The following DIP2C variants were observed in gnomAD, a reference collection of about 807,000 sequenced individuals.
DIP2C encodes the protein DIP2 acetate--CoA ligase C (putative), also known as disco-interacting protein 2 homolog C.
DIP2C carries 33 observed loss-of-function variants against 192.4 expected under a neutral mutation model. The observed-to-expected ratio is 0.17, with a 90% confidence interval of 0.13 to 0.23. DIP2C has a LOEUF of 0.23. Among genes scored for constraint, DIP2C ranks in the 10% least tolerant of loss-of-function variants. The probability of loss-of-function intolerance (pLI) is 1.00; values close to 1 mark genes in which losing one functional copy is unlikely to be tolerated. For synonymous variants in DIP2C, 979 were observed against 864.1 expected (o/e 1.13, Z -2.33); for missense variants, 1,537 against 2,110.1 (o/e 0.73, Z 5.32).
chr10:500,817 G>A (rs1467197937), intron 1 of DIP2C, among the ~76,000 whole-genome samples: 3 of 152,206 alleles, frequency 2.0e-5, no homozygotes, highest in African/African-American at 7.2e-5. Flanking sequence ...GGACAGGAAT[G>A]ACTGCGATGT....
intron 36 of DIP2C, among the ~76,000 whole-genome samples, chr10:279,149 T>A (rs1052411263): frequency 6.6e-6 from 1 of 152,218 alleles, no homozygotes; most frequent in Non-Finnish European, 1.5e-5. Context: ...GACTGCCGCA[T>A]GCCTATGGAG....
intron 1 of DIP2C, chr10:650,137 C>A (rs865946242): frequency 5.6e-6 from 4 of 717,168 alleles, no homozygotes; most frequent in Non-Finnish European, 1.0e-5. Flanking sequence ...GGGACAAGGA[C>A]CCCCCAGGAG....
rs374946558 is a variant in DIP2C, at chr10:627,453, CG to C, written c.85+62040del. Among the ~76,000 whole-genome samples the C allele has an allele frequency of 4.2e-3, 639 of 152,320 alleles. 5 individuals are homozygous for C. The highest frequency in any genetic ancestry group is 0.014 in the African/African-American group (587 of 41,558). On this transcript the variant is annotated intron_variant, in intron 1 of 36. Coordinates refer to ENST00000280886, the MANE Select transcript of DIP2C (RefSeq NM_014974.3). The stretch of plus-strand genomic sequence containing the variant: ...TTGTTACTGAGGAAAAAGGAAAAAG[CG>C]GGCATCTTCTTGGCAACCTCGCGAC...
In DIP2C at chr10:277,311, G is replaced by A. The variant is rs759471007; in HGVS notation, c.*14C>T. ...TACATCTCTAGAAAAGTCCATGGAA[G>A]CCAAGAGACGAGACTACATGTTGTA... On this transcript the variant is annotated 3_prime_UTR_variant, in exon 37 of 37. Transcript: ENST00000280886. 1.2e-6 allele frequency: 2 copies of A among 1,612,668 alleles called. No homozygotes were observed. The highest frequency in any genetic ancestry group is 1.7e-6 in the Non-Finnish European group (2 of 1,179,562).
chr10:629,697 G>A (rs534875963), intron 1 of DIP2C, among the ~76,000 whole-genome samples: 161 of 152,128 alleles, frequency 1.1e-3, no homozygotes, highest in Non-Finnish European at 1.9e-3. Context: ...GGAAGCCCTC[G>A]CTCTCAGGGT....
chr10:600,700 G>A lies in DIP2C; in HGVS notation c.85+88794C>T, dbSNP rs75524266. Among the ~76,000 whole-genome samples, 1,311 of 152,302 alleles carry A rather than the reference G, an allele frequency of 8.6e-3. 14 individuals are homozygous for A. Among genetic ancestry groups the A allele is most frequent in the African/African-American group, 0.03 (1,248 of 41,560 alleles). On this transcript the variant is annotated intron_variant, in intron 1 of 36. Transcript: ENST00000280886. ...TGGATATTCCTGGGTGCCCCAGAGC[G>A]CTTTTCACCTTAAGGAGATTTTCAC...
At chr10:661,506 C>T (rs1401377117) in intron 1 of DIP2C, among the ~76,000 whole-genome samples, 2 of 152,212 alleles carry the variant, frequency 1.3e-5, no homozygotes, top group African/African-American at 2.4e-5. Context: ...ACCAGGCTCC[C>T]CTCGCTGCCT....
chr10:627,413 A>C (rs1406710374), intron 1 of DIP2C, among the ~76,000 whole-genome samples: 1 of 152,150 alleles, frequency 6.6e-6, no homozygotes, highest in Non-Finnish European at 1.5e-5. Flanking sequence ...CTGCTTCCCT[A>C]AACAAAGTAG....
chr10:576,423 C>A (rs1850161868), intron 1 of DIP2C, among the ~76,000 whole-genome samples: 1 of 152,234 alleles, frequency 6.6e-6, no homozygotes, highest in South Asian at 2.1e-4. Flanking sequence ...ACAGCAGTAA[C>A]TGCCCACAAG....
At chr10:635,416 C>G (rs1045900499) in intron 1 of DIP2C, among the ~76,000 whole-genome samples, 1 of 152,232 alleles carries the variant, frequency 6.6e-6, no homozygotes, top group African/African-American at 2.4e-5. Flanking sequence ...ACGTCCTGGA[C>G]AGACACTGTA....
chr10:483,252 A>G (rs916129589), intron 2 of DIP2C, among the ~76,000 whole-genome samples: 1 of 152,272 alleles, frequency 6.6e-6, no homozygotes, highest in Non-Finnish European at 1.5e-5. Context: ...TAATCAGAAC[A>G]CAAACCCCTT....
chr10:451,235 C>A (rs1334924660), intron 3 of DIP2C, among the ~76,000 whole-genome samples: 1 of 152,240 alleles, frequency 6.6e-6, no homozygotes, highest in Non-Finnish European at 1.5e-5. Context: ...TTAACCTAAT[C>A]TCTGCAGTGC....
chr10:517,660 T>C (rs1846444871), intron 1 of DIP2C, among the ~76,000 whole-genome samples: 1 of 152,202 alleles, frequency 6.6e-6, no homozygotes, highest in Non-Finnish European at 1.5e-5. Context: ...ATGCCATTCA[T>C]CCTTTTTCAG....
At chr10:481,960 G>A (rs1038214481) in intron 2 of DIP2C, among the ~76,000 whole-genome samples, 10 of 152,224 alleles carry the variant, frequency 6.6e-5, no homozygotes, top group African/African-American at 2.4e-4. Flanking sequence ...ACATACTGCT[G>A]CTGGGGGTTG....
intron 1 of DIP2C, among the ~76,000 whole-genome samples, chr10:500,687 A>C (rs1281088215): frequency 6.6e-6 from 1 of 152,250 alleles, no homozygotes; most frequent in African/African-American, 2.4e-5. Flanking sequence ...TTAACTTAAA[A>C]TCTTTTAAAA....
chr10:610,167 C>T (rs1564266759), intron 1 of DIP2C, among the ~76,000 whole-genome samples: 1 of 152,190 alleles, frequency 6.6e-6, no homozygotes, highest in Non-Finnish European at 1.5e-5. Context: ...CTGTCATCCA[C>T]AACAGCATGG....
At chr10:326,899 G>A (rs1442778788) in intron 31 of DIP2C, 107 bp downstream of exon 31, 1 of 1,351,914 alleles carries the variant, frequency 7.4e-7, no homozygotes, top group Non-Finnish European at 1.0e-6. Context: ...GATCTCTTCT[G>A]GATGTAGCTA....
chr10:384,270 CCTTTTTTTTTTT>C, intron 15 of DIP2C, 124 bp from the exon 16 acceptor site: 1 of 535,780 alleles, frequency 1.9e-6, no homozygotes. Context: ...CCCCCACAAA[CCTTTTTTTTTTT>C]TTTTTTTTTT....
intron 1 of DIP2C, among the ~76,000 whole-genome samples, chr10:616,336 T>C (rs539716989): frequency 4.1e-4 from 62 of 152,370 alleles, no homozygotes; most frequent in Non-Finnish European, 3.2e-4. Flanking sequence ...TTATTGTCCA[T>C]AGGACCCATT....
Sources: gnomAD v4.1 joint callset for allele counts (sites outside exome capture counted in the v4.1 genomes callset) on GRCh38, gnomAD v4.1.1 for gene constraint, MANE v1.5 for transcripts, NCBI Gene and HGNC (gene_info 2026-07-23, HGNC 2026-07-21) for gene names.